FAM110B: variants seen among roughly 807,000 people sequenced by gnomAD.
The protein encoded by FAM110B is family with sequence similarity 110 member B.
A neutral mutation model predicts 20.4 loss-of-function variants in FAM110B; 6 were observed. That is an observed-to-expected ratio of 0.29 (90% confidence interval 0.16 to 0.58). FAM110B has a LOEUF of 0.58. Ranked by LOEUF, FAM110B falls within the 20% of genes least tolerant of loss-of-function variation. The pLI is 0.90. For missense variants in FAM110B, 434 were observed against 498.2 expected (o/e 0.87, Z 1.23); for synonymous variants, 226 against 214.1 (o/e 1.06, Z -0.49).
At chr8:58,054,096 T>C (rs935511175) in intron 2 of FAM110B, among the ~76,000 whole-genome samples, 4 of 152,226 alleles carry the variant, frequency 2.6e-5, no homozygotes, top group Middle Eastern at 3.2e-3. Flanking sequence ...CTGCCTTTGA[T>C]TGGCCAAAAC....
At chr8:58,141,528 A>C (rs964531761) in intron 3 of FAM110B, among the ~76,000 whole-genome samples, 4 of 152,200 alleles carry the variant, frequency 2.6e-5, no homozygotes, top group African/African-American at 9.7e-5. Flanking sequence ...ACTCATTCTC[A>C]CATAGAAACT....
At chr8:58,085,689 G>T (rs1806316095) in intron 3 of FAM110B, among the ~76,000 whole-genome samples, 1 of 152,148 alleles carries the variant, frequency 6.6e-6, no homozygotes, top group South Asian at 2.1e-4. Context: ...AACATTTTAA[G>T]ATCATGTTCA....
At chr8:58,092,687 A>C (rs1806512404) in intron 3 of FAM110B, among the ~76,000 whole-genome samples, 1 of 152,156 alleles carries the variant, frequency 6.6e-6, no homozygotes, top group Admixed American at 6.5e-5. Context: ...GCTATTGTGA[A>C]CGTGGTTGCA....
At chr8:58,049,402 CTT>C (rs112316204) in intron 2 of FAM110B, among the ~76,000 whole-genome samples, 6 of 145,222 alleles carry the variant, frequency 4.1e-5, no homozygotes, top group African/African-American at 1.3e-4. Context: ...AAAAGCTAGT[CTT>C]TTTTTTTTTT....
At chr8:58,108,952 C>A (rs960091612) in intron 3 of FAM110B, among the ~76,000 whole-genome samples, 6 of 152,234 alleles carry the variant, frequency 3.9e-5, no homozygotes, top group Non-Finnish European at 1.5e-5. Context: ...TCTCAACCCA[C>A]CCAACAACCC....
Position 58,075,271 on chromosome 8 carries a change from T to TGTGTGTGTG in FAM110B, c.-413-264_-413-263insGTGTGTGTG, listed in dbSNP as rs1554521060. On this transcript the variant is annotated intron_variant, in intron 2 of 3. Coordinates refer to ENST00000519262, the MANE Select transcript of FAM110B (RefSeq NM_001377989.1). ...ACTGAACTAATTTTTGCTTTTTTTT[T>TGTGTGTGTG]TTTTTGTGTGTGTGTGTGTGTGTGT... is the stretch of plus-strand genomic sequence containing the variant. Among the ~76,000 whole-genome samples the TGTGTGTGTG allele has an allele frequency of 4.8e-3, 650 of 134,762 alleles. 5 individuals carry two copies. The highest frequency in any genetic ancestry group is 0.022 in the African/African-American group (586 of 26,778). The allele number at this position is 134,762 out of a possible 152,430, so 88.4% of individuals were successfully genotyped here. A position where few individuals can be genotyped will look rare whatever the true frequency, so the allele number is the denominator to read the frequency against.
At chr8:58,085,180 T>C (rs1471817133) in intron 3 of FAM110B, among the ~76,000 whole-genome samples, 1 of 152,222 alleles carries the variant, frequency 6.6e-6, no homozygotes, top group Non-Finnish European at 1.5e-5. Context: ...GTGGGGGTCA[T>C]GCCCCCTTCC....
chr8:58,001,681 G>T (rs1012497946), intron 1 of FAM110B, among the ~76,000 whole-genome samples: 4 of 152,078 alleles, frequency 2.6e-5, no homozygotes, highest in Admixed American at 6.6e-5. Flanking sequence ...GGACCAAATC[G>T]CAGGGCCCTT....
intron 1 of FAM110B, among the ~76,000 whole-genome samples, chr8:58,012,593 G>A (rs572544934): frequency 3.3e-5 from 5 of 152,292 alleles, no homozygotes; most frequent in African/African-American, 1.2e-4. Flanking sequence ...GGGATTTGGT[G>A]CTGGTTCTGG....
chr8:58,015,381 A>G (rs1358743342), intron 1 of FAM110B, among the ~76,000 whole-genome samples: 3 of 151,622 alleles, frequency 2.0e-5, no homozygotes, highest in Non-Finnish European at 4.4e-5. Context: ...TTAAATTTAC[A>G]CTCTCAGAAA....
intron 2 of FAM110B, among the ~76,000 whole-genome samples, chr8:58,059,921 G>A (rs181437854): frequency 1.3e-5 from 2 of 151,992 alleles, no homozygotes; most frequent in Admixed American, 1.3e-4. Flanking sequence ...TTTGGTGTGA[G>A]GTAAGGGTCA....
intron 3 of FAM110B, chr8:58,113,083 A>T (rs1436519623): frequency 7.3e-6 from 1 of 137,440 alleles, no homozygotes; most frequent in Admixed American, 6.9e-5. Context: ...CACCATTCCC[A>T]TTCATGGGGG....
intron 3 of FAM110B, among the ~76,000 whole-genome samples, chr8:58,115,879 G>A (rs1262091776): frequency 2.0e-5 from 3 of 152,194 alleles, no homozygotes; most frequent in African/African-American, 2.4e-5. Flanking sequence ...GAATAGCATA[G>A]TGATGATAAT....
At chr8:58,084,825 C>T (rs1205056632) in intron 3 of FAM110B, among the ~76,000 whole-genome samples, 1 of 152,154 alleles carries the variant, frequency 6.6e-6, no homozygotes, top group East Asian at 1.9e-4. Flanking sequence ...CTAGAGGCTG[C>T]TGTCAGGTGC....
intron 3 of FAM110B, among the ~76,000 whole-genome samples, chr8:58,089,304 GC>G (rs1264017326): frequency 6.6e-6 from 1 of 152,194 alleles, no homozygotes; most frequent in East Asian, 1.9e-4. Context: ...GATGTTTGAT[GC>G]TTCTATTTCA....
At chr8:58,102,752 A>T (rs576401978) in intron 3 of FAM110B, among the ~76,000 whole-genome samples, 1 of 152,090 alleles carries the variant, frequency 6.6e-6, no homozygotes, top group South Asian at 2.1e-4. Flanking sequence ...TTCCAGTGGG[A>T]GCATCTCCAC....
chr8:58,115,037 G>A (rs979297245), intron 3 of FAM110B, among the ~76,000 whole-genome samples: 1 of 151,220 alleles, frequency 6.6e-6, no homozygotes, highest in South Asian at 2.1e-4. Context: ...TTAGTAGTTG[G>A]ATCACTGTAA....
At chr8:58,046,093 C>A (rs1356613332) in intron 2 of FAM110B, among the ~76,000 whole-genome samples, 2 of 152,144 alleles carry the variant, frequency 1.3e-5, no homozygotes, top group Non-Finnish European at 2.9e-5. Flanking sequence ...AATACCATCA[C>A]CATGCTGATT....
chr8:58,119,446 C>T (rs571475426), intron 3 of FAM110B, among the ~76,000 whole-genome samples: 1 of 152,252 alleles, frequency 6.6e-6, no homozygotes, highest in South Asian at 2.1e-4. Flanking sequence ...GAGACTGATG[C>T]CCTCATGACC....
Sources: gnomAD v4.1 joint callset for allele counts (sites outside exome capture counted in the v4.1 genomes callset) on GRCh38, gnomAD v4.1.1 for gene constraint, MANE v1.5 for transcripts, NCBI Gene and HGNC (gene_info 2026-07-23, HGNC 2026-07-21) for gene names.